Variants in UGP2 observed in about 807,000 individuals in gnomAD.
UGP2 encodes the protein UDP-glucose pyrophosphorylase 2.
A neutral mutation model predicts 49.0 loss-of-function variants in UGP2; 40 were observed. The observed-to-expected ratio is 0.82, with a 90% CI of 0.63 to 1.06. The LOEUF (loss-of-function observed/expected upper bound fraction) is 1.06. Among genes scored for constraint, UGP2 ranks in the 50% least tolerant of loss-of-function variants. The pLI is 0.00. For synonymous variants in UGP2, 225 were observed against 213.0 expected (o/e 1.06, Z -0.49); for missense variants, 460 against 603.5 (o/e 0.76, Z 2.49).
chr2:63,877,384 A>G (rs1670978054), intron 3 of UGP2, among the ~76,000 whole-genome samples: 1 of 152,242 alleles, frequency 6.6e-6, no homozygotes, highest in Non-Finnish European at 1.5e-5. Flanking sequence ...AAATTTCATT[A>G]ATTTATGGCA....
At chr2:63,868,050 T>C (rs968672184) in intron 3 of UGP2, among the ~76,000 whole-genome samples, 1 of 152,248 alleles carries the variant, frequency 6.6e-6, no homozygotes, top group African/African-American at 2.4e-5. Flanking sequence ...CTAGGTTATA[T>C]GTAGAATTAC....
Position 63,842,181 on chromosome 2 carries a change from C to G in UGP2, c.-5C>G. ...AAAGCCGGAGTATTTTACTAAGCCC[C>G]TAAAATGTCGAGATTTGTACAAGGT... On this transcript the variant is annotated 5_prime_UTR_variant, in exon 1 of 10. Transcript: ENST00000337130. 1 of 1,592,746 alleles carries G rather than the reference C, an allele frequency of 6.3e-7. No homozygotes were observed. The highest frequency in any genetic ancestry group is 8.5e-7 in the Non-Finnish European group (1 of 1,174,282).
At position 63,856,408 on chromosome 2, in the gene UGP2, C is replaced by A. The variant is rs375235381; in HGVS notation, c.122C>A (p.Thr41Asn). The change falls in exon 2 of 10, where the codon ACC (threonine) becomes AAC (asparagine). Residue 41 changes from threonine to asparagine, a missense_variant. Thr to Asn is a moderately conservative substitution (Grantham distance 65, BLOSUM62 0). Around this residue, in one of 2 missense-constraint regions of UGP2, gnomAD observed 143 missense variants for 130.4 expected, o/e 1.10. Transcript: ENST00000337130. Reference protein sequence around the residue: ...SVKKELEKILTTASSHEFEHT... With the variant: ...SVKKELEKILNTASSHEFEHT... ...AAGAAGGAACTAGAAAAAATACTCA[C>A]CACAGCATCATCACATGAATTTGAG... The A allele has an allele frequency of 8.7e-6, 14 of 1,613,052 alleles. No homozygotes were observed. Among genetic ancestry groups the A allele is most frequent in the Middle Eastern group, 1.6e-4 (1 of 6,062 alleles).
chr2:63,852,347 CTG>C (rs770587161), intron 1 of UGP2, among the ~76,000 whole-genome samples: 6 of 152,196 alleles, frequency 3.9e-5, no homozygotes, highest in South Asian at 2.1e-4. Flanking sequence ...ACCCAGGAAT[CTG>C]TGTTTTAACC....
At chr2:63,856,252 G>A in intron 1 of UGP2, 54 bp from the exon 2 acceptor site, 1 of 1,585,526 alleles carries the variant, frequency 6.3e-7, no homozygotes, top group Non-Finnish European at 8.6e-7. Flanking sequence ...CTTACCAGCT[G>A]TTTGAATGGC....
In UGP2 at chr2:63,882,000, A is replaced by G. The variant is rs558940786; in HGVS notation, c.256-466A>G. Among the ~76,000 whole-genome samples the G allele has an allele frequency of 6.6e-5, 10 of 152,346 alleles. No individual in the cohort carries two copies. The South Asian group carries it at 1.9e-3, about 28-fold the overall frequency. Reference sequence around the variant, plus strand: ...TGGCAAAGAACAAGTGTGTTTTGGTATTTGCCTCCTGTGGTAGAAGGAATA... The same window carrying G: ...TGGCAAAGAACAAGTGTGTTTTGGTGTTTGCCTCCTGTGGTAGAAGGAATA... On this transcript the variant is annotated intron_variant, in intron 3 of 9. Coordinates refer to ENST00000337130, the MANE Select transcript of UGP2 (RefSeq NM_006759.4).
rs1194025352 is a variant in UGP2, at chr2:63,856,820, A to C, written c.147+387A>C. ...CTTCTGATAGAACCATGCTACTTTG[A>C]CAATTGTCATAGAAGTTTTCCAGAA... On this transcript the variant is annotated intron_variant, in intron 2 of 9. Transcript: ENST00000337130. The C allele has an allele frequency of 8.7e-6, 4 of 459,072 alleles. No homozygotes were observed. In the Admixed American group the frequency reaches 9.4e-5, roughly 11 times the overall value. The allele number at this position is 459,072 out of a possible 1,614,324, so 28.4% of individuals were successfully genotyped here.
intron 9 of UGP2, 130 bp from the exon 10 acceptor site, chr2:63,890,990 T>C: frequency 1.7e-6 from 1 of 597,776 alleles, no homozygotes; most frequent in Non-Finnish European, 2.8e-6. Context: ...GTTTTTCATG[T>C]TTAATATTGT....
At chr2:63,867,337 T>C (rs1460754252) in intron 3 of UGP2, among the ~76,000 whole-genome samples, 1 of 152,256 alleles carries the variant, frequency 6.6e-6, no homozygotes, top group Non-Finnish European at 1.5e-5. Flanking sequence ...TCCTTAACCA[T>C]GTAACATTGG....
intron 3 of UGP2, among the ~76,000 whole-genome samples, chr2:63,873,742 A>G (rs140649916): frequency 4.9e-4 from 75 of 152,204 alleles, no homozygotes; most frequent in Non-Finnish European, 9.0e-4. Context: ...TGGAAGGTAA[A>G]AAAGGTCAAA....
chr2:63,888,225 T>TC, intron 8 of UGP2: 1 of 154,198 alleles, frequency 6.5e-6, no homozygotes, highest in South Asian at 2.0e-4. Flanking sequence ...TGATTGAGTC[T>TC]GACAAATCGG....
At chr2:63,843,653 G>A (rs1366628913) in intron 1 of UGP2, among the ~76,000 whole-genome samples, 1 of 152,184 alleles carries the variant, frequency 6.6e-6, no homozygotes, top group Non-Finnish European at 1.5e-5. Flanking sequence ...AAATCAAGTG[G>A]TAAGAGTTGC....
At chr2:63,873,405 T>C (rs1339421553) in intron 3 of UGP2, among the ~76,000 whole-genome samples, 6 of 152,332 alleles carry the variant, frequency 3.9e-5, no homozygotes, top group Non-Finnish European at 8.8e-5. Context: ...ATGAATGACT[T>C]CTGTTACTAA....
intron 3 of UGP2, among the ~76,000 whole-genome samples, chr2:63,858,880 AC>A (rs11350730): frequency 0.19 from 24,222 of 126,766 alleles, 1,977 homozygotes; most frequent in Middle Eastern, 0.31. Context: ...TTATTCCCAC[AC>A]CCCCCCGCCC....
At chr2:63,857,533 T>G (rs1216804870) in intron 2 of UGP2, 7 of 459,648 alleles carry the variant, frequency 1.5e-5, no homozygotes, top group Non-Finnish European at 3.0e-5. Context: ...TGGCTAATTT[T>G]TGTATTTTTT....
rs1671673210 is a variant in UGP2 at position 63,886,368 on chromosome 2, A to T, written c.901A>T (p.Lys301Ter). 6.2e-7 allele frequency: 1 copy of T among 1,614,112 alleles called. No homozygotes were observed. Among genetic ancestry groups the T allele is most frequent in the Non-Finnish European group, 8.5e-7 (1 of 1,180,032 alleles). ...CGGGACACTCACTCAATATGAAGGC[A>T]AACTGAGACTGGTGGAAATTGCTCA... ...KGGTLTQYEG[K>*]LRLVEIAQVP... The change falls in exon 7 of 10, where the codon AAA becomes TAA. Residue 301 changes from lysine (K) to a stop codon, truncating the protein, a stop_gained. Coordinates refer to ENST00000337130, the MANE Select transcript of UGP2 (RefSeq NM_006759.4). LOFTEE classifies it high-confidence loss of function.
rs545065108 is a variant in UGP2 at position 63,865,481 on chromosome 2, CCTAGAGAGAATGAAT to C, written c.255+7546_255+7560del. Among the ~76,000 whole-genome samples the C allele has an allele frequency of 5.7e-4, 87 of 151,548 alleles. No homozygotes were observed. In the East Asian group the frequency reaches 0.015, roughly 26 times the overall value. ...GAGATATTTCACTAACAGGCTTCTA[CCTAGAGAGAATGAAT>C]AACTGGTGTTCTCCATTCTCAGAAT... On this transcript the variant is annotated intron_variant, in intron 3 of 9. Transcript: ENST00000337130.
rs78573846 is a variant in UGP2, at chr2:63,842,143, GAA to G, written c.-29_-28del. The G allele has an allele frequency of 1.3e-3, 1,943 of 1,445,032 alleles. No homozygotes were observed. The highest frequency in any genetic ancestry group is 3.9e-3 in the South Asian group (302 of 77,036). The allele number at this position is 1,445,032 out of a possible 1,614,324, so 89.5% of individuals were successfully genotyped here. On this transcript the variant is annotated 5_prime_UTR_variant, in exon 1 of 10. Transcript: ENST00000337130. Reference sequence around the variant, plus strand: ...CCTGCCCTGTAGCGTGACTCCTCTAGAAAAAAAAAAAAAAAGCCGGAGTATTT... The same window carrying G: ...CCTGCCCTGTAGCGTGACTCCTCTAGAAAAAAAAAAAAAGCCGGAGTATTT...
At chr2:63,879,752 T>C (rs193039655) in intron 3 of UGP2, among the ~76,000 whole-genome samples, 1 of 111,070 alleles carries the variant, frequency 9.0e-6, no homozygotes. Context: ...TTATAAACTT[T>C]TATGTATGCG....
Sources: allele counts gnomAD v4.1 joint callset (sites outside exome capture counted in the v4.1 genomes callset), GRCh38; gene constraint gnomAD v4.1.1; regional missense constraint gnomAD v4.1.1; transcripts MANE v1.5; gene names NCBI Gene and HGNC (gene_info 2026-07-23, HGNC 2026-07-21).